Variants in ATOH8 observed in about 807,000 individuals in gnomAD.
The protein encoded by ATOH8 is transcription factor ATOH8.
Under a neutral mutation model 21.2 loss-of-function variants are expected in ATOH8, and 9 were observed. The ratio of observed to expected loss-of-function variants is 0.42; its 90% CI spans 0.26 to 0.74. The LOEUF (loss-of-function observed/expected upper bound fraction) is 0.74, where lower values mean the gene tolerates loss of function less well. Ranked by LOEUF, ATOH8 falls within the 30% of genes least tolerant of loss-of-function variation. ATOH8 has a pLI of 0.24. For missense variants in ATOH8, 524 were observed against 470.9 expected, an observed-to-expected ratio of 1.11 and a Z score of -1.04; for synonymous variants, 253 against 224.0, an observed-to-expected ratio of 1.13 and a Z score of -1.16.
chr2:85,762,027 G>A (rs1558609301), intron 1 of ATOH8, among the ~76,000 whole-genome samples: 1 of 126,674 alleles, frequency 7.9e-6, no homozygotes, highest in Admixed American at 8.7e-5. Flanking sequence ...GGGTAGGGCA[G>A]GCACGTGTCC....
rs1026691420 is a variant in ATOH8, at chr2:85,788,530, C to T, written c.*1640C>T. Reference sequence around the variant, plus strand: ...TCTCTTGTGTGGCCTTGTCACATTGCTTCACCTCAGCGGGCCTAAGGTAGG... The same window carrying T: ...TCTCTTGTGTGGCCTTGTCACATTGTTTCACCTCAGCGGGCCTAAGGTAGG... On this transcript the variant is annotated 3_prime_UTR_variant, in exon 3 of 3. Coordinates refer to ENST00000306279, the MANE Select transcript of ATOH8 (RefSeq NM_032827.7). Among the ~76,000 whole-genome samples, 1 of 152,114 alleles carries T rather than the reference C, an allele frequency of 6.6e-6. No individual in the cohort carries two copies. Among genetic ancestry groups the T allele is most frequent in the African/African-American group, 2.4e-5 (1 of 41,408 alleles).
At chr2:85,783,135 T>A (rs867106481) in intron 2 of ATOH8, among the ~76,000 whole-genome samples, 1 of 152,236 alleles carries the variant, frequency 6.6e-6, no homozygotes, top group African/African-American at 2.4e-5. Context: ...GATTTCTGCT[T>A]GTGATAAATG....
intron 2 of ATOH8, among the ~76,000 whole-genome samples, chr2:85,775,421 T>G (rs377148948): frequency 6.6e-6 from 1 of 152,180 alleles, no homozygotes; most frequent in African/African-American, 2.4e-5. Context: ...TGTGCTCCAG[T>G]TGGGCTCATA....
chr2:85,757,731 A>G (rs1337972477), intron 1 of ATOH8, among the ~76,000 whole-genome samples: 1 of 151,854 alleles, frequency 6.6e-6, no homozygotes, highest in East Asian at 1.9e-4. Context: ...TGTTGAGAAG[A>G]GAAAGTGAGG....
At chr2:85,786,767 C>G (rs1240156071) in intron 2 of ATOH8, 118 bp from the exon 3 acceptor site, 8 of 1,378,198 alleles carry the variant, frequency 5.8e-6, no homozygotes, top group Admixed American at 5.2e-5. Context: ...CTTATCGAAC[C>G]CTTCAAGGTG....
rs938156367 is a variant in ATOH8 at position 85,766,592 on chromosome 2, C to T, written c.960+2410C>T. 6.6e-6 allele frequency among the ~76,000 whole-genome samples: 1 copy of T among 152,200 alleles called. No individual in the cohort carries two copies. Among genetic ancestry groups the T allele is most frequent in the African/African-American group, 2.4e-5 (1 of 41,456 alleles). On this transcript the variant is annotated intron_variant, in intron 2 of 2. Coordinates refer to ENST00000306279, the MANE Select transcript of ATOH8 (RefSeq NM_032827.7). The surrounding 1 kb of genome is among the most constrained non-coding windows in gnomAD (Gnocchi z 4.0). ...GTTCATAATTCCAGCCCTTCCCATA[C>T]CAGCCCCTTCCATAGTTTTATCTGG...
At chr2:85,781,920 G>A (rs1680508396) in intron 2 of ATOH8, among the ~76,000 whole-genome samples, 1 of 152,114 alleles carries the variant, frequency 6.6e-6, no homozygotes, top group African/African-American at 2.4e-5. Flanking sequence ...AAAAAGATGA[G>A]GAAACTGAGG....
rs143074049 is a variant in ATOH8, at chr2:85,764,156, G to A, written c.934G>A (p.Ala312Thr). The A allele has an allele frequency of 1.6e-5, 26 of 1,614,060 alleles. No individual in the cohort carries two copies. The African/African-American group carries it at 3.3e-4, about 21-fold the overall frequency. ...GCAGCGCTGCACCCGCACCCTGCAG[G>A]CCGAGGGACGTGCCAAGAAGCGCAA... ...CVQRCTRTLQAEGRAKKRKE is the reference protein window; with the variant it reads ...CVQRCTRTLQTEGRAKKRKE The change falls in exon 2 of 3, where the codon GCC (alanine) becomes ACC (threonine). Residue 312 changes from alanine to threonine, a missense_variant. Coordinates refer to ENST00000306279, the MANE Select transcript of ATOH8 (RefSeq NM_032827.7).
chr2:85,789,290 G>T lies in ATOH8; in HGVS notation c.*2400G>T, dbSNP rs1305326677. On this transcript the variant is annotated 3_prime_UTR_variant, in exon 3 of 3. Coordinates refer to ENST00000306279, the MANE Select transcript of ATOH8 (RefSeq NM_032827.7). ...AGCTGCCTGTCAGACACTAAGATAG[G>T]CAGTGGGAATGAAGAGATGGATCTT... Among the ~76,000 whole-genome samples, 1 of 152,180 alleles carries T rather than the reference G, an allele frequency of 6.6e-6. No individual in the cohort carries two copies. The highest frequency in any genetic ancestry group is 2.4e-5 in the African/African-American group (1 of 41,450).
Position 85,754,683 on chromosome 2 carries a change from C to A in ATOH8, c.494C>A (p.Pro165Gln). The part of the protein sequence containing the change: ...LLCAPPARPA[P>Q]SAPPAPPAPP... ...TGCGCACCGCCCGCGCGCCCCGCGC[C>A]GTCAGCACCCCCAGCACCGCCAGCG... Residue 165 changes from proline to glutamine, a missense_variant, in exon 1 of 3, where the codon CCG becomes CAG. By Grantham distance (76) the Pro-to-Gln change is moderately conservative. Transcript: ENST00000306279. The A allele has an allele frequency of 1.9e-6, 3 of 1,582,636 alleles. No homozygotes were observed. The highest frequency in any genetic ancestry group is 2.6e-6 in the Non-Finnish European group (3 of 1,166,446).
chr2:85,762,877 C>T (rs1558609690), intron 1 of ATOH8, among the ~76,000 whole-genome samples: 1 of 152,052 alleles, frequency 6.6e-6, no homozygotes, highest in Admixed American at 6.5e-5. Flanking sequence ...CTCCCCTGTC[C>T]CTAGGGGACA....
intron 2 of ATOH8, among the ~76,000 whole-genome samples, chr2:85,780,194 G>A (rs1316745714): frequency 2.0e-5 from 3 of 152,140 alleles, no homozygotes; most frequent in Non-Finnish European, 4.4e-5. Flanking sequence ...GTGGGTGGAA[G>A]TAACTCAAAG....
At chr2:85,765,042 C>T (rs958381473) in intron 2 of ATOH8, among the ~76,000 whole-genome samples, 1 of 152,176 alleles carries the variant, frequency 6.6e-6, no homozygotes, top group African/African-American at 2.4e-5. Context: ...GCTATAGGTC[C>T]CCAGGTGGCC....
At chr2:85,786,798 ACT>A (rs1680632209) in intron 2 of ATOH8, 85 bp from the exon 3 acceptor site, 1 of 1,595,282 alleles carries the variant, frequency 6.3e-7, no homozygotes, top group Admixed American at 1.7e-5. Context: ...TGCCTGGAGG[ACT>A]CAGTGAAGGG....
At chr2:85,786,778 G>A (rs1471164665) in intron 2 of ATOH8, 107 bp from the exon 3 acceptor site, 95 of 1,543,766 alleles carry the variant, frequency 6.2e-5, no homozygotes, top group Non-Finnish European at 7.9e-5. Flanking sequence ...CTTCAAGGTG[G>A]GGGCCCCTCT....
At chr2:85,772,812 A>AT (rs1277068442) in intron 2 of ATOH8, 11 of 455,254 alleles carry the variant, frequency 2.4e-5, no homozygotes, top group Admixed American at 1.7e-4. Flanking sequence ...TCTGGTTTTT[A>AT]TTTTTTTCCC....
At chr2:85,777,017 CT>C (rs1175042117) in intron 2 of ATOH8, among the ~76,000 whole-genome samples, 1 of 152,056 alleles carries the variant, frequency 6.6e-6, no homozygotes, top group Admixed American at 6.5e-5. Flanking sequence ...CTTGTTCAGT[CT>C]TTTTAGGTAC....
chr2:85,780,842 T>C (rs1268350781), intron 2 of ATOH8: 1 of 980,056 alleles, frequency 1.0e-6, no homozygotes, highest in Non-Finnish European at 1.2e-6. Flanking sequence ...TCATGCCATG[T>C]TCCCGCCCCC....
intron 2 of ATOH8, chr2:85,774,354 G>T (rs1680269712): frequency 3.0e-6 from 3 of 985,544 alleles, no homozygotes; most frequent in Non-Finnish European, 3.6e-6. Flanking sequence ...ACAGTGCGAG[G>T]CCTCAGACAG....
Sources: allele counts gnomAD v4.1 joint callset (sites outside exome capture counted in the v4.1 genomes callset), GRCh38; gene constraint gnomAD v4.1.1; non-coding constraint Gnocchi (gnomAD v3.1); transcripts MANE v1.5; gene names NCBI Gene and HGNC (gene_info 2026-07-23, HGNC 2026-07-21).